SCN8A: variants seen among roughly 807,000 people sequenced by gnomAD.
SCN8A encodes the protein sodium channel protein type 8 subunit alpha.
In SCN8A, 30 loss-of-function variants were observed where a neutral mutation model predicts 184.1. The ratio of observed to expected loss-of-function variants is 0.16; its 90% confidence interval spans 0.12 to 0.22. The LOEUF is 0.22. Among genes scored for constraint, SCN8A ranks in the 10% least tolerant of loss-of-function variants. The pLI is 1.00. For synonymous variants in SCN8A, 852 were observed against 907.0 expected, an observed-to-expected ratio of 0.94 and a Z score of 1.09; for missense variants, 1,057 against 2,498.9, an observed-to-expected ratio of 0.42 and a Z score of 12.30.
intron 1 of SCN8A, among the ~76,000 whole-genome samples, chr12:51,615,901 A>AT (rs1201505616): frequency 6.7e-5 from 10 of 149,134 alleles, no homozygotes; most frequent in South Asian, 2.1e-4. Flanking sequence ...TAAAGAAAAA[A>AT]TTTTTTTTTT....
At chr12:51,607,590 T>C (rs1939623184) in intron 1 of SCN8A, among the ~76,000 whole-genome samples, 1 of 152,194 alleles carries the variant, frequency 6.6e-6, no homozygotes, top group Non-Finnish European at 1.5e-5. Flanking sequence ...TTTTATTACA[T>C]TGAGGTCTGT....
intron 1 of SCN8A, among the ~76,000 whole-genome samples, chr12:51,660,014 A>G (rs528766596): frequency 6.6e-5 from 10 of 152,332 alleles, no homozygotes; most frequent in South Asian, 4.1e-4. Flanking sequence ...AAAATTACCA[A>G]TGTACAAATT....
intron 1 of SCN8A, among the ~76,000 whole-genome samples, chr12:51,656,511 A>G (rs1279086658): frequency 6.6e-6 from 1 of 152,168 alleles, no homozygotes; most frequent in African/African-American, 2.4e-5. Flanking sequence ...GGTGAAAGAG[A>G]GGAAATATTT....
At chr12:51,772,089 G>A (rs1328331839) in intron 19 of SCN8A, among the ~76,000 whole-genome samples, 1 of 152,216 alleles carries the variant, frequency 6.6e-6, no homozygotes, top group Non-Finnish European at 1.5e-5. Context: ...TGCAACAGTA[G>A]GCATGAGATT....
Position 51,644,858 on chromosome 12 carries a change from A to C in SCN8A, c.-54-17906A>C, listed in dbSNP as rs1203310223. Among the ~76,000 whole-genome samples the C allele has an allele frequency of 2.0e-5, 3 of 148,378 alleles. No homozygotes were observed. In the South Asian group the frequency reaches 6.4e-4, roughly 32 times the overall value. ...CATCTCTGCCCGGCCACCCCGTCTG[A>C]GAAGTGAGGAGACCCTCTGCCTGGC... On this transcript the variant is annotated intron_variant, in intron 1 of 26. Coordinates refer to ENST00000627620, the MANE Select transcript of SCN8A (RefSeq NM_001330260.2).
At chr12:51,663,203 C>T (rs894204807) in intron 2 of SCN8A, 110 bp downstream of exon 2, 3 of 1,293,774 alleles carry the variant, frequency 2.3e-6, no homozygotes, top group African/African-American at 3.0e-5. Flanking sequence ...AGTAGTTAAC[C>T]TTTTGTTTCA....
In SCN8A at chr12:51,721,596, G is replaced by A. The variant is rs764350935; in HGVS notation, c.1686G>A (p.Lys562=). Reference sequence around the variant, plus strand: ...CCTTCCTCTCCCGCCACAACAGCAAGAGCAGCATCTTCAGTTTCAGGGGAC... The same window carrying A: ...CCTTCCTCTCCCGCCACAACAGCAAAAGCAGCATCTTCAGTTTCAGGGGAC... ...GSPFLSRHNS[K]SSIFSFRGPG... The change falls in exon 12 of 27, where the codon AAG becomes AAA. Residue 562 remains lysine, a synonymous_variant. Coordinates refer to ENST00000627620, the MANE Select transcript of SCN8A (RefSeq NM_001330260.2). The A allele has an allele frequency of 5.6e-6, 9 of 1,613,200 alleles. No individual in the cohort carries two copies. Among genetic ancestry groups the A allele is most frequent in the Middle Eastern group, 1.6e-4 (1 of 6,084 alleles).
intron 6 of SCN8A, among the ~76,000 whole-genome samples, chr12:51,694,771 G>C (rs1326855645): frequency 1.3e-5 from 2 of 152,178 alleles, no homozygotes; most frequent in African/African-American, 4.8e-5. Context: ...CTACATTCTG[G>C]CTTGTGTCAG....
chr12:51,686,110 C>T (rs1158716015), intron 3 of SCN8A, among the ~76,000 whole-genome samples: 1 of 152,140 alleles, frequency 6.6e-6, no homozygotes, highest in Non-Finnish European at 1.5e-5. Flanking sequence ...CATGTTTCAT[C>T]CAAAGGGAGT....
intron 1 of SCN8A, among the ~76,000 whole-genome samples, chr12:51,620,104 G>A (rs1232553569): frequency 6.6e-6 from 1 of 152,194 alleles, no homozygotes; most frequent in Non-Finnish European, 1.5e-5. Flanking sequence ...AGACCAAAGA[G>A]TTGTCATTTA....
chr12:51,802,612 A>C (rs1024569544), intron 26 of SCN8A, among the ~76,000 whole-genome samples: 2 of 152,250 alleles, frequency 1.3e-5, no homozygotes, highest in African/African-American at 4.8e-5. Flanking sequence ...CTTGAGGCTC[A>C]GTATGTGCTC....
chr12:51,760,768 T>C (rs1942751063), intron 14 of SCN8A, among the ~76,000 whole-genome samples: 1 of 151,624 alleles, frequency 6.6e-6, no homozygotes, highest in African/African-American at 2.4e-5. Context: ...CTTTGTGGAA[T>C]TTTTTTTTCA....
In SCN8A at chr12:51,751,604, A is replaced by G. The variant is rs1282991002; in HGVS notation, c.2370+11A>G. The G allele has an allele frequency of 1.3e-6, 2 of 1,572,762 alleles. No individual in the cohort carries two copies. Among genetic ancestry groups the G allele is most frequent in the East Asian group, 2.2e-5 (1 of 44,684 alleles). On this transcript the variant is annotated intron_variant, in intron 14 of 26. Transcript: ENST00000627620. Reference sequence around the variant, plus strand: ...GCTGTAGGAAATCTGGTAAGATGGAACACTGTCTCCCGATATTAGGATTGG... The same window carrying G: ...GCTGTAGGAAATCTGGTAAGATGGAGCACTGTCTCCCGATATTAGGATTGG...
intron 7 of SCN8A, among the ~76,000 whole-genome samples, chr12:51,700,170 CA>C (rs5798182): frequency 3.3e-4 from 11 of 33,332 alleles, no homozygotes; most frequent in African/African-American, 7.6e-4. Flanking sequence ...AACTCCATCT[CA>C]AAAAAAAAAA....
intron 26 of SCN8A, among the ~76,000 whole-genome samples, chr12:51,804,682 G>T (rs80121816): frequency 0.051 from 7,835 of 152,184 alleles, 339 homozygotes; most frequent in South Asian, 0.11. Context: ...TGCCATGTTG[G>T]CCAGGCTGGT....
chr12:51,731,168 A>G (rs893427740), intron 12 of SCN8A, among the ~76,000 whole-genome samples: 10 of 152,234 alleles, frequency 6.6e-5, no homozygotes, highest in African/African-American at 2.4e-4. Context: ...CAGTGCTGCA[A>G]CAAACTTGGG....
At position 51,699,676 on chromosome 12, in the gene SCN8A, G is replaced by A. The variant is rs745369923; in HGVS notation, c.813G>A (p.Gln271=). 3.7e-6 allele frequency: 6 copies of A among 1,614,002 alleles called. No homozygotes were observed. Among genetic ancestry groups the A allele is most frequent in the Non-Finnish European group, 5.1e-6 (6 of 1,179,996 alleles). ...GTGTTTTTGCCTTGATCGGACTGCA[G>A]CTGTTCATGGGGAACCTTCGAAACA... The part of the protein sequence containing the change: ...CLSVFALIGL[Q]LFMGNLRNKC... The change falls in exon 7 of 27, where the codon CAG becomes CAA. Residue 271 remains glutamine (Q), a synonymous_variant. Coordinates refer to ENST00000627620, the MANE Select transcript of SCN8A (RefSeq NM_001330260.2).
intron 1 of SCN8A, among the ~76,000 whole-genome samples, chr12:51,616,174 T>G (rs538170301): frequency 7.3e-4 from 111 of 152,362 alleles, no homozygotes; most frequent in African/African-American, 2.6e-3. Context: ...CTAAAGAATT[T>G]CCTTTAGCAT....
At chr12:51,715,059 T>G (rs1240897595) in intron 11 of SCN8A, among the ~76,000 whole-genome samples, 1 of 152,190 alleles carries the variant, frequency 6.6e-6, no homozygotes, top group African/African-American at 2.4e-5. Context: ...GTTTCAGCCC[T>G]CAGGATGTAG....
Sources: allele counts gnomAD v4.1 joint callset (sites outside exome capture counted in the v4.1 genomes callset), GRCh38; gene constraint gnomAD v4.1.1; transcripts MANE v1.5; gene names NCBI Gene and HGNC (gene_info 2026-07-23, HGNC 2026-07-21).